Variants in RSPH6A observed in about 807,000 individuals in gnomAD.
RSPH6A encodes the protein radial spoke head 6 homolog A.
RSPH6A carries 49 observed loss-of-function variants against 66.1 expected under a neutral mutation model. The ratio of observed to expected loss-of-function variants is 0.74; its 90% CI spans 0.59 to 0.94. The LOEUF (loss-of-function observed/expected upper bound fraction) is 0.94. Ranked by LOEUF, RSPH6A falls within the 40% of genes least tolerant of loss-of-function variation. The pLI is 0.00. For synonymous variants in RSPH6A, 419 were observed against 402.4 expected (o/e 1.04, Z -0.49); for missense variants, 977 against 948.3 (o/e 1.03, Z -0.40).
rs1600483384 is a variant in RSPH6A, at chr19:45,815,222, A to G, written c.-46T>C. ...TCTCTAGGAGAAAGGCTTGCAGACA[A>G]GGAGGCCAAGCGAGAGCCACCTGTC... On this transcript the variant is annotated 5_prime_UTR_variant, in exon 1 of 6. Coordinates refer to ENST00000221538, the MANE Select transcript of RSPH6A (RefSeq NM_030785.4). The G allele has an allele frequency of 6.7e-7, 1 of 1,502,202 alleles. No individual in the cohort carries two copies. Among genetic ancestry groups the G allele is most frequent in the Non-Finnish European group, 8.8e-7 (1 of 1,130,000 alleles). The allele number at this position is 1,502,202 out of a possible 1,614,324, so 93.1% of individuals were successfully genotyped here. A position where few individuals can be genotyped will look rare whatever the true frequency, so the allele number is the denominator to read the frequency against.
chr19:45,802,149 G>C lies in RSPH6A; in HGVS notation c.1769C>G (p.Pro590Arg), dbSNP rs201992328. 5.9e-5 allele frequency: 91 copies of C among 1,551,732 alleles called. No individual in the cohort carries two copies. The East Asian group carries it at 6.9e-4, about 12-fold the overall frequency. ...ATCTTCTGAAAGTGGCGTTAGCAGT[G>C]GGGGGCCAACCTCCTGCTCCACCTC... ...PEEVEQEVGP[P>R]LLTPLSEDAE... The change falls in exon 4 of 6, where the codon CCA (proline) becomes CGA (arginine). Residue 590 changes from proline to arginine, a missense_variant. By Grantham distance (103) the Pro-to-Arg change is moderately radical. Coordinates refer to ENST00000221538, the MANE Select transcript of RSPH6A (RefSeq NM_030785.4).
At chr19:45,800,591 C>A in intron 4 of RSPH6A, 28 bp from the exon 5 acceptor site, 2 of 1,588,504 alleles carry the variant, frequency 1.3e-6, no homozygotes, top group African/African-American at 1.3e-5. Flanking sequence ...CAGAGGGGGG[C>A]AGCAGGGTCA....
intron 2 of RSPH6A, among the ~76,000 whole-genome samples, chr19:45,806,490 G>A (rs1970544752): frequency 6.6e-6 from 1 of 151,758 alleles, no homozygotes; most frequent in Admixed American, 6.6e-5. Context: ...GGCCAACATG[G>A]TGAAATCTGG....
At position 45,802,121 on chromosome 19, in the gene RSPH6A, T is replaced by C; in HGVS notation, c.1797A>G (p.Ala599=). 1.3e-6 allele frequency: 2 copies of C among 1,526,810 alleles called. No homozygotes were observed. Among genetic ancestry groups the C allele is most frequent in the Non-Finnish European group, 1.8e-6 (2 of 1,128,228 alleles). 94.6% of individuals were successfully genotyped at this position (1,526,810 alleles called of 1,614,324 possible). A position where few individuals can be genotyped will look rare whatever the true frequency, so the allele number is the denominator to read the frequency against. The part of the protein sequence containing the change: ...PPLLTPLSED[A]EIMHLAPWTT... ...TACAGGCTGAGAGGGCTTCCTTACC[T>C]GCATCTTCTGAAAGTGGCGTTAGCA... The change falls in exon 4 of 6, where the codon GCA becomes GCG. Residue 599 remains alanine, a splice_region_variant and synonymous_variant. Transcript: ENST00000221538.
intron 3 of RSPH6A, among the ~76,000 whole-genome samples, 177 bp from the exon 4 acceptor site, chr19:45,802,441 C>CTG (rs1970485438): frequency 6.6e-6 from 1 of 151,722 alleles, no homozygotes; most frequent in Non-Finnish European, 1.5e-5. Flanking sequence ...GACAGAACTG[C>CTG]TGTGTTGAGG....
intron 2 of RSPH6A, among the ~76,000 whole-genome samples, chr19:45,808,497 G>A (rs1970575843): frequency 6.6e-6 from 1 of 152,048 alleles, no homozygotes; most frequent in Admixed American, 6.6e-5. Context: ...GGAGGCTGAG[G>A]CAGGAGAATC....
chr19:45,801,420 G>C (rs962526662), intron 4 of RSPH6A, among the ~76,000 whole-genome samples: 1 of 152,080 alleles, frequency 6.6e-6, no homozygotes, highest in Non-Finnish European at 1.5e-5. Flanking sequence ...ACTTCCCTCC[G>C]GGTGCCTGAG....
rs747149485 is a variant in RSPH6A at position 45,810,585 on chromosome 19, C to T, written c.888+18G>A. On this transcript the variant is annotated intron_variant, in intron 2 of 5. Transcript: ENST00000221538. The stretch of plus-strand genomic sequence containing the variant: ...CCCACTGACCCTGATGCCCACCTCT[C>T]CTGACTGGCTCACTCACCACCTCCT... The T allele has an allele frequency of 1.5e-4, 238 of 1,611,946 alleles. No homozygotes were observed. The highest frequency in any genetic ancestry group is 2.0e-5 in the Non-Finnish European group (23 of 1,178,146).
Position 45,804,521 on chromosome 19 carries a change from A to C in RSPH6A, c.1384T>G (p.Tyr462Asp). The C allele has an allele frequency of 6.2e-7, 1 of 1,614,166 alleles. No individual in the cohort carries two copies. Among genetic ancestry groups the C allele is most frequent in the African/African-American group, 1.3e-5 (1 of 75,042 alleles). The change falls in exon 3 of 6, where the codon TAC (tyrosine) becomes GAC (aspartate). Residue 462 changes from tyrosine to aspartate, a missense_variant. Physicochemically the swap from Tyr to Asp is radical, Grantham distance 160. Coordinates refer to ENST00000221538, the MANE Select transcript of RSPH6A (RefSeq NM_030785.4). This position sits in a 1 kb window ranked among gnomAD's most constrained non-coding sequence, Gnocchi z 5.8. ...ARKIKKFFTGYLDTPVVSYPP... is the reference protein window; with the variant it reads ...ARKIKKFFTGDLDTPVVSYPP... ...TAGCTGACGACTGGCGTGTCCAGGTAGCCTGTGAAGAACTTCTTGATCTTT... is the reference window on the plus strand; with the variant it reads ...TAGCTGACGACTGGCGTGTCCAGGTCGCCTGTGAAGAACTTCTTGATCTTT...
intron 3 of RSPH6A, among the ~76,000 whole-genome samples, chr19:45,802,824 CTT>C (rs759185798): frequency 0.024 from 3,188 of 130,690 alleles, 53 homozygotes; most frequent in Non-Finnish European, 0.04. Flanking sequence ...TGATTCTTTT[CTT>C]TTTTTTTTTT....
At chr19:45,812,538 A>G (rs1970643456) in intron 1 of RSPH6A, among the ~76,000 whole-genome samples, 1 of 152,116 alleles carries the variant, frequency 6.6e-6, no homozygotes, top group Admixed American at 6.6e-5. Context: ...GACTTTGGCT[A>G]GGGCTTCTCA....
At chr19:45,800,603 G>A in intron 4 of RSPH6A, 40 bp from the exon 5 acceptor site, 1 of 1,562,732 alleles carries the variant, frequency 6.4e-7, no homozygotes, top group Non-Finnish European at 8.7e-7. Context: ...GCAGGGTCAG[G>A]GAGGCCCCCA....
chr19:45,805,791 T>G (rs780880118), intron 2 of RSPH6A, among the ~76,000 whole-genome samples: 1 of 152,214 alleles, frequency 6.6e-6, no homozygotes, highest in Non-Finnish European at 1.5e-5. Flanking sequence ...GGAAAGCCCT[T>G]GGACAGGATG....
intron 4 of RSPH6A, 107 bp downstream of exon 4, chr19:45,802,013 C>T (rs1410614915): frequency 8.5e-7 from 1 of 1,171,650 alleles, no homozygotes; most frequent in East Asian, 2.9e-5. Flanking sequence ...AGCCTCTGAG[C>T]CTGGGAGGGA....
At chr19:45,802,428 G>A (rs1970485317) in intron 3 of RSPH6A, among the ~76,000 whole-genome samples, 164 bp from the exon 4 acceptor site, 1 of 152,140 alleles carries the variant, frequency 6.6e-6, no homozygotes, top group African/African-American at 2.4e-5. Context: ...TGGGAAACGG[G>A]CTGACAGAAC....
chr19:45,802,021 G>T (rs1970479798), intron 4 of RSPH6A, 99 bp downstream of exon 4: 2 of 1,220,896 alleles, frequency 1.6e-6, no homozygotes. Flanking sequence ...AGCCTGGGAG[G>T]GAAGGACCGG....
chr19:45,801,668 G>A (rs1970475593), intron 4 of RSPH6A, among the ~76,000 whole-genome samples: 1 of 152,174 alleles, frequency 6.6e-6, no homozygotes, highest in African/African-American at 2.4e-5. Context: ...GCTGAGACGG[G>A]AGAATTGCAG....
chr19:45,813,457 C>T (rs1018369610), intron 1 of RSPH6A, among the ~76,000 whole-genome samples: 20 of 152,132 alleles, frequency 1.3e-4, no homozygotes, highest in African/African-American at 4.6e-4. Context: ...GATTCTCCTG[C>T]CTCAACCTCC....
chr19:45,814,796 T>C lies in RSPH6A; in HGVS notation c.381A>G (p.Gln127=), dbSNP rs1304072646. The stretch of plus-strand genomic sequence containing the variant: ...GGTCCAGTTGCTGGAACAGGCTGCT[T>C]TGGCCCTGCTGGAGCCGCTGCAGCA... ...SLMLQRLQQG[Q]SSLFQQLDPT... is the part of the protein sequence containing the mutation. Residue 127 remains glutamine, a synonymous_variant, in exon 1 of 6, where the codon CAA becomes CAG. Transcript: ENST00000221538. 1.1e-5 allele frequency: 18 copies of C among 1,613,800 alleles called. No individual in the cohort carries two copies. Among genetic ancestry groups the C allele is most frequent in the Non-Finnish European group, 1.5e-5 (18 of 1,179,900 alleles).
Sources: allele counts gnomAD v4.1 joint callset (sites outside exome capture counted in the v4.1 genomes callset), GRCh38; gene constraint gnomAD v4.1.1; non-coding constraint Gnocchi (gnomAD v3.1); transcripts MANE v1.5; gene names NCBI Gene and HGNC (gene_info 2026-07-23, HGNC 2026-07-21).